Variants in WDR49 observed in about 807,000 individuals in gnomAD.
WDR49 encodes cilia- and flagella-associated protein 337.
In WDR49, 107 loss-of-function variants were observed where a neutral mutation model predicts 119.5. That is an observed-to-expected ratio of 0.90 (90% CI 0.77 to 1.05). The LOEUF is 1.05. Among genes scored for constraint, WDR49 ranks in the 50% least tolerant of loss-of-function variants. The probability of loss-of-function intolerance (pLI) is 0.00; values close to 1 mark genes in which losing one functional copy is unlikely to be tolerated. For synonymous variants in WDR49, 425 were observed against 418.8 expected, an observed-to-expected ratio of 1.01 and a Z score of -0.18; for missense variants, 1,240 against 1,220.5, an observed-to-expected ratio of 1.02 and a Z score of -0.24.
intron 10 of WDR49, among the ~76,000 whole-genome samples, chr3:167,543,038 T>A (rs1238190409): frequency 6.6e-6 from 1 of 151,784 alleles, no homozygotes; most frequent in African/African-American, 2.4e-5. Context: ...AACTGGACAA[T>A]CCAGAGGATT....
chr3:167,579,102 C>T (rs1214510324), intron 7 of WDR49, among the ~76,000 whole-genome samples: 2 of 152,106 alleles, frequency 1.3e-5, no homozygotes, highest in Admixed American at 6.6e-5. Flanking sequence ...GATTCCCCTT[C>T]ACCTTCTGCC....
At chr3:167,610,941 T>A (rs1052115084) in intron 5 of WDR49, among the ~76,000 whole-genome samples, 1 of 152,200 alleles carries the variant, frequency 6.6e-6, no homozygotes, top group Admixed American at 6.5e-5. Context: ...AGATCTGAAA[T>A]GCTAAGAATA....
chr3:167,569,406 T>C (rs993078382), intron 8 of WDR49, among the ~76,000 whole-genome samples: 1 of 152,246 alleles, frequency 6.6e-6, no homozygotes, highest in Non-Finnish European at 1.5e-5. Flanking sequence ...AATAGGCTAG[T>C]ACATACGTAT....
At chr3:167,532,156 A>G (rs1752872001) in intron 12 of WDR49, among the ~76,000 whole-genome samples, 2 of 152,090 alleles carry the variant, frequency 1.3e-5, no homozygotes, top group Admixed American at 6.6e-5. Context: ...TTCACCCAAA[A>G]AGAAAACTGC....
intron 18 of WDR49, among the ~76,000 whole-genome samples, chr3:167,479,216 C>T (rs1438526381): frequency 6.6e-6 from 1 of 152,022 alleles, no homozygotes; most frequent in African/African-American, 2.4e-5. Context: ...TCTTTTAATG[C>T]ATATATCTTA....
At chr3:167,654,694 G>A (rs950632620), upstream of WDR49, among the ~76,000 whole-genome samples, 6 of 152,070 alleles carry the variant, frequency 3.9e-5, no homozygotes, top group Admixed American at 2.6e-4. Flanking sequence ...TCAGGAGTTC[G>A]AGAGCAGCCT....
chr3:167,506,558 T>C (rs1039785408), intron 16 of WDR49, among the ~76,000 whole-genome samples: 2 of 152,232 alleles, frequency 1.3e-5, no homozygotes, highest in African/African-American at 4.8e-5. Context: ...CTTTCTCATA[T>C]ATAAACTTTT....
intron 2 of WDR49, among the ~76,000 whole-genome samples, chr3:167,647,663 T>C (rs1718186270): frequency 6.6e-6 from 1 of 152,154 alleles, no homozygotes; most frequent in African/African-American, 2.4e-5. Flanking sequence ...CTAAGAGCAA[T>C]GCGTGAGAAA....
chr3:167,641,503 C>A lies in WDR49; in HGVS notation c.165+11758G>T, dbSNP rs551353070. On this transcript the variant is annotated intron_variant, in intron 2 of 18. Transcript: ENST00000682715. The stretch of plus-strand genomic sequence containing the variant: ...CTAGCTGATTTATATGACCCAATTT[C>A]TTAGGCTTCAAACATGGTCTAATTG... Among the ~76,000 whole-genome samples the A allele has an allele frequency of 1.2e-4, 18 of 151,992 alleles. 1 individual carries two copies. Among genetic ancestry groups the A allele is most frequent in the African/African-American group, 4.1e-4 (17 of 41,534 alleles).
At chr3:167,633,086 C>T (rs959123163) in intron 2 of WDR49, among the ~76,000 whole-genome samples, 19 of 137,992 alleles carry the variant, frequency 1.4e-4, no homozygotes, top group Non-Finnish European at 3.2e-5. Flanking sequence ...TTTAGCCAAA[C>T]TCGTGTGTGT....
intron 16 of WDR49, among the ~76,000 whole-genome samples, chr3:167,509,065 T>A (rs1751873430): frequency 6.6e-6 from 1 of 152,234 alleles, no homozygotes; most frequent in African/African-American, 2.4e-5. Flanking sequence ...CTGCCTTGTA[T>A]AAACTTACTG....
chr3:167,602,430 G>A (rs1484958114), intron 6 of WDR49, among the ~76,000 whole-genome samples, 155 bp from the exon 7 acceptor site: 1 of 152,110 alleles, frequency 6.6e-6, no homozygotes, highest in Non-Finnish European at 1.5e-5. Flanking sequence ...AACTAGACCA[G>A]GCTAATAGAG....
intron 2 of WDR49, among the ~76,000 whole-genome samples, chr3:167,634,527 A>G (rs1252614932): frequency 6.6e-6 from 1 of 151,918 alleles, no homozygotes; most frequent in East Asian, 1.9e-4. Flanking sequence ...TTGCCTAAAA[A>G]GCATGTTTTT....
intron 2 of WDR49, among the ~76,000 whole-genome samples, chr3:167,633,221 A>G (rs571988631): frequency 1.3e-5 from 2 of 151,976 alleles, no homozygotes; most frequent in South Asian, 2.1e-4. Context: ...GGACCCAGAG[A>G]ATAGGTGCAG....
intron 10 of WDR49, among the ~76,000 whole-genome samples, chr3:167,549,949 A>G (rs1268845818): frequency 2.0e-5 from 3 of 152,056 alleles, no homozygotes; most frequent in African/African-American, 4.8e-5. Flanking sequence ...ATTAAATAGG[A>G]AATCCTTTCC....
intron 2 of WDR49, among the ~76,000 whole-genome samples, chr3:167,639,224 G>C (rs889586810): frequency 1.3e-5 from 2 of 151,698 alleles, no homozygotes; most frequent in African/African-American, 4.8e-5. Flanking sequence ...TTAAATTGCT[G>C]TTCCTTTGTT....
At chr3:167,577,060 T>A (rs1385788117) in intron 7 of WDR49, among the ~76,000 whole-genome samples, 1 of 152,156 alleles carries the variant, frequency 6.6e-6, no homozygotes, top group Admixed American at 6.6e-5. Flanking sequence ...TTCAAACACC[T>A]TCAAGACACA....
intron 6 of WDR49, 92 bp downstream of exon 6, chr3:167,604,209 C>T (rs2108307772): frequency 6.9e-7 from 1 of 1,446,732 alleles, no homozygotes; most frequent in Non-Finnish European, 9.3e-7. Flanking sequence ...TATAGCAATA[C>T]AGCAACAAGG....
chr3:167,553,987 C>T (rs531774625), intron 10 of WDR49, among the ~76,000 whole-genome samples: 1 of 151,934 alleles, frequency 6.6e-6, no homozygotes, highest in East Asian at 1.9e-4. Context: ...TAGTGAATAA[C>T]GTTGGACGAC....
Sources: gnomAD v4.1 joint callset for allele counts (sites outside exome capture counted in the v4.1 genomes callset) on GRCh38, gnomAD v4.1.1 for gene constraint, MANE v1.5 for transcripts, NCBI Gene and HGNC (gene_info 2026-07-23, HGNC 2026-07-21) for gene names.